MTRF1: variants seen among roughly 807,000 people sequenced by gnomAD.
MTRF1 encodes peptide chain release factor 1, mitochondrial.
MTRF1 carries 51 observed loss-of-function variants against 62.9 expected under a neutral mutation model. That is an observed-to-expected ratio of 0.81 (90% CI 0.65 to 1.02). MTRF1 has a LOEUF of 1.02. Among genes scored for constraint, MTRF1 ranks in the 50% least tolerant of loss-of-function variants. The pLI, the probability that MTRF1 is intolerant of heterozygous loss-of-function variation, is 0.00. For synonymous variants in MTRF1, 158 were observed against 181.9 expected (o/e 0.87, Z 1.06); for missense variants, 446 against 530.0 (o/e 0.84, Z 1.56).
the MTRF1 span, among the ~76,000 whole-genome samples, chr13:41,289,543 G>C: frequency 6.6e-6 from 1 of 152,114 alleles, no homozygotes; most frequent in African/African-American, 2.4e-5. Flanking sequence ...GCCGAAAAGT[G>C]GATTTTATAT....
At position 41,237,879 on chromosome 13, in the gene MTRF1, G is replaced by A. The variant is rs139043466; in HGVS notation, c.870+2382C>T. On this transcript the variant is annotated intron_variant, in intron 6 of 9. Transcript: ENST00000379480. Reference sequence around the variant, plus strand: ...TCAGTAGTTTACTGTTAGTAATGTCGATATTATAATTTTGAAACTATTTTA... The same window carrying A: ...TCAGTAGTTTACTGTTAGTAATGTCAATATTATAATTTTGAAACTATTTTA... 9.4e-3 allele frequency among the ~76,000 whole-genome samples: 1,429 copies of A among 152,096 alleles called. 22 individuals carry two copies. Among genetic ancestry groups the A allele is most frequent in the African/African-American group, 0.032 (1,346 of 41,504 alleles).
intron 5 of MTRF1, among the ~76,000 whole-genome samples, chr13:41,247,415 C>CTATA (rs1488863115): frequency 6.6e-6 from 1 of 152,202 alleles, no homozygotes; most frequent in Non-Finnish European, 1.5e-5. Context: ...AGCTGTATAC[C>CTATA]AGGTACCAGG....
intron 7 of MTRF1, among the ~76,000 whole-genome samples, chr13:41,230,276 T>G (rs566379270): frequency 6.6e-6 from 1 of 152,250 alleles, no homozygotes; most frequent in East Asian, 1.9e-4. Flanking sequence ...TTTCTTTTTT[T>G]TTTTTGAGAC....
At chr13:41,218,956 G>A (rs2032559734) in intron 9 of MTRF1, among the ~76,000 whole-genome samples, 1 of 152,176 alleles carries the variant, frequency 6.6e-6, no homozygotes, top group South Asian at 2.1e-4. Context: ...TAAAATTAAG[G>A]TTTATATCAC....
chr13:41,289,837 C>T, the MTRF1 span, among the ~76,000 whole-genome samples: 1 of 152,280 alleles, frequency 6.6e-6, no homozygotes, highest in Non-Finnish European at 1.5e-5. Context: ...ATTGCACAAC[C>T]AACGCTTCAA....
the MTRF1 span, among the ~76,000 whole-genome samples, chr13:41,289,795 C>T: frequency 6.6e-6 from 1 of 152,148 alleles, no homozygotes; most frequent in African/African-American, 2.4e-5. Context: ...AAATAGGGCC[C>T]AATTCTTCTC....
the MTRF1 span, chr13:41,311,478 G>C: frequency 6.5e-7 from 1 of 1,548,432 alleles, no homozygotes; most frequent in Non-Finnish European, 8.8e-7. Flanking sequence ...GAAGCGGAGC[G>C]CCCGGGCACC....
At chr13:41,300,458 C>T in the MTRF1 span, among the ~76,000 whole-genome samples, 5 of 151,876 alleles carry the variant, frequency 3.3e-5, no homozygotes, top group Admixed American at 1.3e-4. Context: ...TGGTGGTGGG[C>T]GCCTGTAGTC....
the MTRF1 span, among the ~76,000 whole-genome samples, chr13:41,310,983 G>A: frequency 6.6e-6 from 1 of 152,192 alleles, no homozygotes; most frequent in African/African-American, 2.4e-5. Flanking sequence ...TTATTGCAAG[G>A]AGAAGCAGAC....
intron 1 of MTRF1, 102 bp downstream of exon 1, chr13:41,263,383 G>A: frequency 1.0e-6 from 1 of 954,708 alleles, no homozygotes; most frequent in Non-Finnish European, 1.5e-6. Flanking sequence ...CCGCGGGGCA[G>A]CAGCACGGGC....
chr13:41,311,789 C>T, the MTRF1 span, among the ~76,000 whole-genome samples: 1 of 152,214 alleles, frequency 6.6e-6, no homozygotes, highest in African/African-American at 2.4e-5. Flanking sequence ...GCTTCCTTTC[C>T]GCGGTCTTCT....
At chr13:41,260,443 T>G (rs200067555) in intron 2 of MTRF1, 50 bp downstream of exon 2, 2 of 278,058 alleles carry the variant, frequency 7.2e-6, no homozygotes, top group African/African-American at 3.8e-5. Flanking sequence ...AAGTGTGTGG[T>G]TTTTTTTTTC....
chr13:41,307,710 T>C, the MTRF1 span, among the ~76,000 whole-genome samples: 1 of 152,086 alleles, frequency 6.6e-6, no homozygotes. Flanking sequence ...CCTTCCACCA[T>C]GATTGTAAGT....
chr13:41,283,865 CCG>C, the MTRF1 span, among the ~76,000 whole-genome samples: 11 of 152,016 alleles, frequency 7.2e-5, no homozygotes, highest in Non-Finnish European at 1.3e-4. Context: ...GCGTGAGCCA[CCG>C]CGCCCGGCCT....
At chr13:41,294,416 CAAAAA>C in the MTRF1 span, among the ~76,000 whole-genome samples, 2 of 79,468 alleles carry the variant, frequency 2.5e-5, no homozygotes, top group African/African-American at 3.7e-5. Context: ...GACTCCATCT[CAAAAA>C]AAAAAAAAAA....
chr13:41,278,516 G>C, the MTRF1 span, among the ~76,000 whole-genome samples: 2 of 152,168 alleles, frequency 1.3e-5, no homozygotes, highest in Non-Finnish European at 2.9e-5. Flanking sequence ...TCTATGCAGA[G>C]GTTATTTCCT....
At chr13:41,287,545 A>C in the MTRF1 span, among the ~76,000 whole-genome samples, 1 of 152,246 alleles carries the variant, frequency 6.6e-6, no homozygotes, top group Non-Finnish European at 1.5e-5. Context: ...TTTAGAGCTA[A>C]ATTTTAAAGA....
rs372991203 is a variant in MTRF1 at position 41,242,566 on chromosome 13, T to C, written c.698-2133A>G. On this transcript the variant is annotated intron_variant, in intron 5 of 9. Transcript: ENST00000379480. ...AAATAGGAAATACCTCATGAGTTCA[T>C]ATGATGTTGAGACCCAATTTTCCAT... Among the ~76,000 whole-genome samples, 31 of 152,316 alleles carry C rather than the reference T, an allele frequency of 2.0e-4. No homozygotes were observed. The South Asian group carries it at 6.4e-3, about 32-fold the overall frequency.
the MTRF1 span, among the ~76,000 whole-genome samples, chr13:41,289,670 T>C: frequency 6.6e-6 from 1 of 152,194 alleles, no homozygotes; most frequent in Non-Finnish European, 1.5e-5. Flanking sequence ...CTGCTGCCGA[T>C]CTGATCCACG....
Sources: allele counts gnomAD v4.1 joint callset (sites outside exome capture counted in the v4.1 genomes callset), GRCh38; gene constraint gnomAD v4.1.1; transcripts MANE v1.5; gene names NCBI Gene and HGNC (gene_info 2026-07-23, HGNC 2026-07-21).